The following CREB5 variants were observed in gnomAD, a reference collection of about 807,000 sequenced individuals.
CREB5 encodes the protein cyclic AMP-responsive element-binding protein 5.
CREB5 carries 19 observed loss-of-function variants against 57.1 expected under a neutral mutation model. The observed-to-expected ratio is 0.33, with a 90% CI of 0.23 to 0.49. CREB5 has a LOEUF of 0.49. CREB5 is among the 20% of genes least tolerant of loss of function. The pLI is 0.99. For synonymous variants in CREB5, 238 were observed against 238.3 expected, an observed-to-expected ratio of 1.00 and a Z score of 0.01; for missense variants, 579 against 671.6, an observed-to-expected ratio of 0.86 and a Z score of 1.52.
chr7:28,353,396 G>A (rs1786274886), intron 1 of CREB5, among the ~76,000 whole-genome samples: 1 of 152,200 alleles, frequency 6.6e-6, no homozygotes, highest in East Asian at 1.9e-4. Context: ...GGGAGGGGCA[G>A]TTAACTTGGC....
At chr7:28,368,529 A>G (rs1786635407) in intron 1 of CREB5, among the ~76,000 whole-genome samples, 1 of 152,132 alleles carries the variant, frequency 6.6e-6, no homozygotes, top group Non-Finnish European at 1.5e-5. Flanking sequence ...CTCCAATCAC[A>G]TGGACCCTCT....
chr7:28,530,150 A>C lies in CREB5; in HGVS notation c.291+22413A>C, dbSNP rs567971968. 2.4e-4 allele frequency among the ~76,000 whole-genome samples: 36 copies of C among 152,366 alleles called. No homozygotes were observed. In the South Asian group the frequency reaches 7.2e-3, roughly 31 times the overall value. ...GAGCAGTGGTGAATAGAACAGGAGC[A>C]AAAGCAATTCAGAGTCGCTTTTGTG... On this transcript the variant is annotated intron_variant, in intron 4 of 10. Transcript: ENST00000357727.
At chr7:28,428,450 C>T (rs1788590739) in intron 1 of CREB5, among the ~76,000 whole-genome samples, 1 of 152,088 alleles carries the variant, frequency 6.6e-6, no homozygotes, top group Non-Finnish European at 1.5e-5. Context: ...GTGGGCTGGA[C>T]TGGGTAGGTT....
chr7:28,577,747 T>C (rs1795957276), intron 5 of CREB5, among the ~76,000 whole-genome samples: 1 of 152,234 alleles, frequency 6.6e-6, no homozygotes, highest in Admixed American at 6.5e-5. Context: ...ACTAGAAAAT[T>C]CTTGAAGTTC....
chr7:28,730,964 A>G (rs973571438), intron 7 of CREB5, among the ~76,000 whole-genome samples: 1 of 152,222 alleles, frequency 6.6e-6, no homozygotes, highest in East Asian at 1.9e-4. Flanking sequence ...ATTAGGCTCA[A>G]ATTAGTAGCT....
intron 7 of CREB5, among the ~76,000 whole-genome samples, chr7:28,801,748 T>C (rs1287121389): frequency 6.6e-6 from 1 of 152,036 alleles, no homozygotes; most frequent in Non-Finnish European, 1.5e-5. Flanking sequence ...AATGAAATCA[T>C]TGCTTAAAAT....
In CREB5 at chr7:28,395,781, T is replaced by TTTTCTTTCTTTC. The variant is rs529778395; in HGVS notation, c.-25+96352_-25+96363dup. On this transcript the variant is annotated intron_variant, in intron 1 of 9. Transcript: ENST00000396299. ...TACAAACTAGGGCAAGGAGTTTCTT[T>TTTTCTTTCTTTC]TTTCTTTCTTTCTTTCTTTCTTTTT... Among the ~76,000 whole-genome samples, 324 of 152,218 alleles carry TTTTCTTTCTTTC rather than the reference T, an allele frequency of 2.1e-3. 3 individuals are homozygous for TTTTCTTTCTTTC. Among genetic ancestry groups the TTTTCTTTCTTTC allele is most frequent in the African/African-American group, 7.5e-3 (312 of 41,518 alleles).
intron 5 of CREB5, among the ~76,000 whole-genome samples, chr7:28,640,265 A>G (rs938688085): frequency 2.6e-5 from 4 of 152,302 alleles, no homozygotes; most frequent in East Asian, 1.9e-4. Flanking sequence ...ACTGCCCTGC[A>G]TTGCCTACAG....
At chr7:28,587,760 G>C (rs189722170) in intron 5 of CREB5, among the ~76,000 whole-genome samples, 2 of 152,216 alleles carry the variant, frequency 1.3e-5, no homozygotes, top group African/African-American at 4.8e-5. Flanking sequence ...ATTCAGCCTT[G>C]ACTACACACA....
intron 1 of CREB5, among the ~76,000 whole-genome samples, chr7:28,313,851 C>T (rs1785326191): frequency 6.6e-6 from 1 of 152,224 alleles, no homozygotes; most frequent in South Asian, 2.1e-4. Flanking sequence ...CTGAAAGTTT[C>T]TAGCACTTCA....
At chr7:28,543,404 A>G (rs1794287191) in intron 4 of CREB5, among the ~76,000 whole-genome samples, 1 of 152,154 alleles carries the variant, frequency 6.6e-6, no homozygotes, top group Non-Finnish European at 1.5e-5. Context: ...CCATTTGTCT[A>G]TCCACTTCTC....
rs111666594 is a variant in CREB5 at position 28,611,672 on chromosome 7, C to CTAAATAAATAAA, written c.464+41168_464+41179dup. 1.0e-3 allele frequency among the ~76,000 whole-genome samples: 141 copies of CTAAATAAATAAA among 135,300 alleles called. 1 individual carries two copies. The highest frequency in any genetic ancestry group is 2.2e-3 in the African/African-American group (80 of 35,572). The allele number at this position is 135,300 out of a possible 152,430, so 88.8% of individuals were successfully genotyped here. On this transcript the variant is annotated intron_variant, in intron 5 of 10. Coordinates refer to ENST00000357727, the MANE Select transcript of CREB5 (RefSeq NM_182898.4). Reference sequence around the variant, plus strand: ...GCCTGTGCGACAGAGACTCTGTCTCCTAAATAAATAAATAAATAAATAAAT... The same window carrying CTAAATAAATAAA: ...GCCTGTGCGACAGAGACTCTGTCTCCTAAATAAATAAATAAATAAATAAATAAATAAATAAAT...
At chr7:28,532,292 C>G (rs551060342) in intron 4 of CREB5, among the ~76,000 whole-genome samples, 53 of 152,322 alleles carry the variant, frequency 3.5e-4, no homozygotes, top group African/African-American at 1.3e-3. Context: ...TGGCTGATAT[C>G]TTGACTGCAA....
At chr7:28,562,928 A>G (rs1795336301) in intron 4 of CREB5, among the ~76,000 whole-genome samples, 1 of 152,350 alleles carries the variant, frequency 6.6e-6, no homozygotes, top group Non-Finnish European at 1.5e-5. Context: ...GTACCACAAG[A>G]CTTAGAAGCA....
chr7:28,508,617 T>A (rs1792578729), intron 4 of CREB5, among the ~76,000 whole-genome samples: 1 of 152,204 alleles, frequency 6.6e-6, no homozygotes, highest in African/African-American at 2.4e-5. Flanking sequence ...CTTGTCTATG[T>A]GAAATTATAA....
chr7:28,565,829 G>C (rs953456357), intron 4 of CREB5, among the ~76,000 whole-genome samples: 2 of 152,174 alleles, frequency 1.3e-5, no homozygotes, highest in Non-Finnish European at 2.9e-5. Flanking sequence ...GCTGAGGCAG[G>C]AGAATCGCTT....
At chr7:28,421,480 T>C (rs1583442461) in intron 1 of CREB5, among the ~76,000 whole-genome samples, 1 of 152,148 alleles carries the variant, frequency 6.6e-6, no homozygotes, top group Non-Finnish European at 1.5e-5. Context: ...TCCACTTTAC[T>C]GTCATAATGG....
chr7:28,505,210 A>G (rs547528571), intron 3 of CREB5, among the ~76,000 whole-genome samples: 2 of 152,290 alleles, frequency 1.3e-5, no homozygotes, highest in East Asian at 3.9e-4. Flanking sequence ...ACACGCACAC[A>G]CACACACATG....
At chr7:28,772,450 C>CTGTT (rs1488914160) in intron 7 of CREB5, among the ~76,000 whole-genome samples, 9 of 152,138 alleles carry the variant, frequency 5.9e-5, no homozygotes, top group Non-Finnish European at 1.2e-4. Context: ...AGCCTCGCCA[C>CTGTT]TGTTTGTTTT....
Sources: gnomAD v4.1 joint callset for allele counts (sites outside exome capture counted in the v4.1 genomes callset) on GRCh38, gnomAD v4.1.1 for gene constraint, MANE v1.5 for transcripts, NCBI Gene and HGNC (gene_info 2026-07-23, HGNC 2026-07-21) for gene names.